Variants in TNPO1 observed in about 807,000 individuals in gnomAD.
The protein encoded by TNPO1 is transportin-1.
In TNPO1, 8 loss-of-function variants were observed where a neutral mutation model predicts 119.5. The ratio of observed to expected loss-of-function variants is 0.07; its 90% CI spans 0.04 to 0.12. The LOEUF is 0.12. Among genes scored for constraint, TNPO1 ranks in the 10% least tolerant of loss-of-function variants. The pLI is 1.00. For synonymous variants in TNPO1, 362 were observed against 363.0 expected (o/e 1.00, Z 0.03); for missense variants, 576 against 1,089.8 (o/e 0.53, Z 6.64).
At chr5:72,824,502 C>T (rs1317329550) in intron 1 of TNPO1, among the ~76,000 whole-genome samples, 1 of 152,206 alleles carries the variant, frequency 6.6e-6, no homozygotes, top group Non-Finnish European at 1.5e-5. Flanking sequence ...TATTGATTCT[C>T]ATCCTATGTG....
In TNPO1 at chr5:72,891,825, C is replaced by T; in HGVS notation, c.1717C>T (p.Leu573=). The change falls in exon 15 of 25, where the codon CTA becomes TTA. Residue 573 remains leucine, a synonymous_variant. Coordinates refer to ENST00000337273, the MANE Select transcript of TNPO1 (RefSeq NM_002270.4). The part of the protein sequence containing the change: ...HLNKPEYIQM[L]MPPLIQKWNM... ...TTGTAAATAGGAATATATTCAGATG[C>T]TAATGCCTCCACTGATCCAGAAATG... 1 of 1,607,830 alleles carries T rather than the reference C, an allele frequency of 6.2e-7. No homozygotes were observed. Among genetic ancestry groups the T allele is most frequent in the Non-Finnish European group, 8.5e-7 (1 of 1,176,668 alleles).
intron 13 of TNPO1, 117 bp from the exon 14 acceptor site, chr5:72,889,669 G>C: frequency 1.8e-6 from 2 of 1,117,506 alleles, no homozygotes; most frequent in Non-Finnish European, 2.5e-6. Context: ...TTAACAGATG[G>C]CTTAGACCAT....
intron 1 of TNPO1, 95 bp downstream of exon 1, chr5:72,816,847 G>T: frequency 7.0e-7 from 1 of 1,421,026 alleles, no homozygotes; most frequent in Admixed American, 2.4e-5. Context: ...GAGAGACGCC[G>T]GGCTCGCCCG....
intron 23 of TNPO1, among the ~76,000 whole-genome samples, chr5:72,904,868 A>G (rs1214078176): frequency 1.3e-5 from 2 of 152,214 alleles, no homozygotes; most frequent in Non-Finnish European, 2.9e-5. Flanking sequence ...TTCGACTCAC[A>G]GTTCCATGTG....
At chr5:72,837,505 C>T (rs572059335) in intron 1 of TNPO1, among the ~76,000 whole-genome samples, 50 of 152,270 alleles carry the variant, frequency 3.3e-4, no homozygotes, top group Middle Eastern at 6.8e-3. Context: ...TTAATACTAT[C>T]GCATTTGGAA....
chr5:72,855,822 A>G lies in TNPO1; in HGVS notation c.254A>G (p.Lys85Arg). Residue 85 changes from lysine to arginine, a missense_variant, in exon 4 of 25, where the codon AAA becomes AGA. Lys to Arg is a conservative substitution (Grantham distance 26). Around this residue, in one of 6 missense-constraint regions of TNPO1, gnomAD observed 310 missense variants for 583.0 expected, o/e 0.53. Transcript: ENST00000337273. Reference sequence around the variant, plus strand: ...GGTCTTATCTTGAAGAATAATGTGAAAGCACACTTTCAGAACTTCCCAAAT... The same window carrying G: ...GGTCTTATCTTGAAGAATAATGTGAGAGCACACTTTCAGAACTTCCCAAAT... ...LSGLILKNNV[K>R]AHFQNFPNGV... The G allele has an allele frequency of 6.2e-7, 1 of 1,612,340 alleles. No individual in the cohort carries two copies. Among genetic ancestry groups the G allele is most frequent in the Non-Finnish European group, 8.5e-7 (1 of 1,179,716 alleles).
At chr5:72,878,509 A>G (rs1258902926) in intron 9 of TNPO1, 1 of 151,254 alleles carries the variant, frequency 6.6e-6, no homozygotes, top group East Asian at 1.9e-4. Context: ...TTTTTTCCCC[A>G]GATGTTTATG....
chr5:72,858,764 G>C (rs1034828876), intron 4 of TNPO1, among the ~76,000 whole-genome samples: 5 of 152,014 alleles, frequency 3.3e-5, no homozygotes, highest in African/African-American at 1.2e-4. Context: ...ATGAACCCGG[G>C]AGGCGGAGCT....
intron 11 of TNPO1, among the ~76,000 whole-genome samples, chr5:72,885,674 T>C (rs562085581): frequency 6.6e-4 from 101 of 152,116 alleles, no homozygotes; most frequent in Admixed American, 1.6e-3. Context: ...GTGGTATAAC[T>C]AAGATCCTTA....
At chr5:72,835,990 T>C (rs189596988) in intron 1 of TNPO1, among the ~76,000 whole-genome samples, 1 of 152,296 alleles carries the variant, frequency 6.6e-6, no homozygotes, top group African/African-American at 2.4e-5. Flanking sequence ...CCAGATACAG[T>C]TGGGTAGGGG....
At position 72,875,595 on chromosome 5, in the gene TNPO1, AATT is replaced by A. The variant is rs1398155831; in HGVS notation, c.679-16_679-14del. ...TGTAAGCCTTTCTAAAACTAGAAAA[AATT>A]ATTTCTTGTGCAACAGAATCTCTTT... On this transcript the variant is annotated splice_polypyrimidine_tract_variant and intron_variant, in intron 7 of 24. Coordinates refer to ENST00000337273, the MANE Select transcript of TNPO1 (RefSeq NM_002270.4). 1 of 1,607,502 alleles carries A rather than the reference AATT, an allele frequency of 6.2e-7. No individual in the cohort carries two copies. Among genetic ancestry groups the A allele is most frequent in the Non-Finnish European group, 8.5e-7 (1 of 1,175,090 alleles).
chr5:72,818,109 G>GCAATTTAAC (rs1743783227), intron 1 of TNPO1, among the ~76,000 whole-genome samples: 1 of 152,208 alleles, frequency 6.6e-6, no homozygotes. Flanking sequence ...TTTACTTCAT[G>GCAATTTAAC]CAATTTAACG....
chr5:72,864,194 C>T (rs1356128052), intron 5 of TNPO1, among the ~76,000 whole-genome samples: 3 of 151,348 alleles, frequency 2.0e-5, no homozygotes, highest in Non-Finnish European at 4.4e-5. Flanking sequence ...ATTAAAATTC[C>T]TGATATTTAA....
At chr5:72,833,545 G>T (rs1028490090) in intron 1 of TNPO1, among the ~76,000 whole-genome samples, 8 of 152,100 alleles carry the variant, frequency 5.3e-5, no homozygotes, top group Admixed American at 3.3e-4. Context: ...TTATTTTGTG[G>T]GCTGAGGGGA....
chr5:72,822,625 C>T (rs943620268), intron 1 of TNPO1, among the ~76,000 whole-genome samples: 4 of 146,420 alleles, frequency 2.7e-5, no homozygotes, highest in Non-Finnish European at 6.0e-5. Context: ...TGGAGTCTCG[C>T]TCTGTTGCCC....
intron 14 of TNPO1, among the ~76,000 whole-genome samples, chr5:72,891,253 T>C (rs1579918147): frequency 2.6e-5 from 4 of 151,770 alleles, no homozygotes; most frequent in Admixed American, 1.3e-4. Flanking sequence ...GATCAAAAGG[T>C]CAGGAGATCG....
intron 5 of TNPO1, among the ~76,000 whole-genome samples, chr5:72,864,050 T>A (rs1335824483): frequency 6.6e-6 from 1 of 152,170 alleles, no homozygotes; most frequent in Non-Finnish European, 1.5e-5. Context: ...AGCTAAATGT[T>A]TGTTCTTATT....
intron 1 of TNPO1, among the ~76,000 whole-genome samples, chr5:72,825,315 T>G (rs1461443330): frequency 2.0e-5 from 3 of 152,204 alleles, no homozygotes; most frequent in Non-Finnish European, 4.4e-5. Flanking sequence ...GTATGTGTCC[T>G]CCCAAACTGT....
At chr5:72,841,193 T>G (rs1744896959) in intron 1 of TNPO1, among the ~76,000 whole-genome samples, 1 of 151,236 alleles carries the variant, frequency 6.6e-6, no homozygotes, top group Non-Finnish European at 1.5e-5. Context: ...CAATCTTGGC[T>G]CACTGCAAGC....
Sources: gnomAD v4.1 joint callset for allele counts (sites outside exome capture counted in the v4.1 genomes callset) on GRCh38, gnomAD v4.1.1 for gene constraint, gnomAD v4.1.1 regional missense constraint, MANE v1.5 for transcripts, NCBI Gene and HGNC (gene_info 2026-07-23, HGNC 2026-07-21) for gene names.